Variants in CCDC3 observed in about 807,000 individuals in gnomAD.
The protein encoded by CCDC3 is coiled-coil domain containing 3.
A neutral mutation model predicts 21.4 loss-of-function variants in CCDC3; 24 were observed. That is an observed-to-expected ratio of 1.12 (90% CI 0.81 to 1.58). The LOEUF (loss-of-function observed/expected upper bound fraction) is 1.58, where lower values mean the gene tolerates loss of function less well. Ranked by LOEUF, CCDC3 falls within the 40% of genes most tolerant of loss-of-function variation. The probability of loss-of-function intolerance (pLI) is 0.00; values close to 1 mark genes in which losing one functional copy is unlikely to be tolerated. For missense variants in CCDC3, 425 were observed against 360.9 expected (o/e 1.18, Z -1.44); for synonymous variants, 186 against 166.0 (o/e 1.12, Z -0.93).
At chr10:12,954,218 G>C (rs1419718724) in intron 2 of CCDC3, among the ~76,000 whole-genome samples, 1 of 152,120 alleles carries the variant, frequency 6.6e-6, no homozygotes, top group Non-Finnish European at 1.5e-5. Context: ...ATGTCTACAA[G>C]TCACTCAGAA....
intron 2 of CCDC3, among the ~76,000 whole-genome samples, chr10:12,917,294 T>C (rs894822873): frequency 2.1e-5 from 3 of 145,724 alleles, no homozygotes; most frequent in Non-Finnish European, 4.5e-5. Context: ...CCCGGGTTCA[T>C]GCCATTCTCC....
chr10:13,034,063 T>C (rs189463620), intron 5 of CCDC3, among the ~76,000 whole-genome samples: 1 of 152,250 alleles, frequency 6.6e-6, no homozygotes, highest in African/African-American at 2.4e-5. Context: ...TGTGGCACTA[T>C]TCACAATAGT....
intron 3 of CCDC3, among the ~76,000 whole-genome samples, chr10:13,095,318 C>T (rs1047157329): frequency 3.9e-5 from 6 of 152,120 alleles, no homozygotes; most frequent in South Asian, 2.1e-4. Context: ...ATTCATGCAG[C>T]GACCACACCA....
chr10:12,943,506 A>G (rs1341439557), intron 2 of CCDC3, among the ~76,000 whole-genome samples: 1 of 152,264 alleles, frequency 6.6e-6, no homozygotes, highest in East Asian at 1.9e-4. Context: ...CTATGCCAAT[A>G]GAAAAGGGAT....
At chr10:12,954,548 C>A (rs1434839821) in intron 2 of CCDC3, among the ~76,000 whole-genome samples, 2 of 152,158 alleles carry the variant, frequency 1.3e-5, no homozygotes, top group African/African-American at 4.8e-5. Context: ...AGCTTCCACT[C>A]ATGGTGGAAG....
At chr10:12,943,298 A>C (rs1026309793) in intron 2 of CCDC3, among the ~76,000 whole-genome samples, 1 of 152,144 alleles carries the variant, frequency 6.6e-6, no homozygotes, top group Non-Finnish European at 1.5e-5. Flanking sequence ...GACTACATGG[A>C]ACCCCCATCT....
At chr10:13,021,668 A>G (rs979681487) in intron 5 of CCDC3, among the ~76,000 whole-genome samples, 71 of 152,246 alleles carry the variant, frequency 4.7e-4, no homozygotes, top group African/African-American at 1.7e-3. Flanking sequence ...CCCATTATCC[A>G]ATGGATAGTT....
At chr10:12,930,733 G>A (rs1211572490) in intron 2 of CCDC3, among the ~76,000 whole-genome samples, 1 of 152,142 alleles carries the variant, frequency 6.6e-6, no homozygotes, top group Non-Finnish European at 1.5e-5. Flanking sequence ...GACCAAAGAT[G>A]CTACTAACCA....
At chr10:12,957,149 T>C (rs1248970509) in intron 2 of CCDC3, among the ~76,000 whole-genome samples, 1 of 152,168 alleles carries the variant, frequency 6.6e-6, no homozygotes, top group Non-Finnish European at 1.5e-5. Flanking sequence ...AAGGGTCAGT[T>C]AGCAGGCCCA....
chr10:12,997,490 C>G (rs1304988026), intron 2 of CCDC3, among the ~76,000 whole-genome samples: 1 of 152,142 alleles, frequency 6.6e-6, no homozygotes, highest in African/African-American at 2.4e-5. Context: ...GATCGGAAGA[C>G]TCTTTTATAT....
chr10:12,911,615 A>G (rs942752813), intron 2 of CCDC3, among the ~76,000 whole-genome samples: 3 of 152,262 alleles, frequency 2.0e-5, no homozygotes, highest in African/African-American at 7.2e-5. Flanking sequence ...AAATATGTGT[A>G]CACTGACATG....
intron 2 of CCDC3, among the ~76,000 whole-genome samples, chr10:12,930,564 A>AT (rs746044068): frequency 2.6e-5 from 4 of 152,224 alleles, no homozygotes; most frequent in Non-Finnish European, 5.9e-5. Flanking sequence ...GTGCTAGCAA[A>AT]TAGTGGCTGC....
At chr10:13,033,443 T>C (rs1031124255) in intron 5 of CCDC3, among the ~76,000 whole-genome samples, 5 of 152,210 alleles carry the variant, frequency 3.3e-5, no homozygotes, top group African/African-American at 9.6e-5. Context: ...GAGGACTTCA[T>C]GTCTAAAACA....
intron 4 of CCDC3, among the ~76,000 whole-genome samples, chr10:13,066,902 T>C (rs1023821038): frequency 3.3e-5 from 5 of 152,136 alleles, no homozygotes; most frequent in African/African-American, 1.2e-4. Context: ...AATAAAACCC[T>C]CCTCTGCCCA....
At chr10:13,071,579 C>T (rs984034106) in intron 4 of CCDC3, among the ~76,000 whole-genome samples, 5 of 152,182 alleles carry the variant, frequency 3.3e-5, no homozygotes, top group Admixed American at 2.6e-4. Context: ...TATTCCCATC[C>T]CTTAGGCCCT....
At chr10:12,910,130 A>C (rs12267985) in intron 2 of CCDC3, among the ~76,000 whole-genome samples, 38,444 of 152,172 alleles carry the variant, frequency 0.25, 6,118 homozygotes, top group African/African-American at 0.45. Flanking sequence ...AGAATTTATC[A>C]AACCCAGACA....
At chr10:12,957,515 C>T (rs1182869801) in intron 2 of CCDC3, among the ~76,000 whole-genome samples, 2 of 152,232 alleles carry the variant, frequency 1.3e-5, no homozygotes, top group African/African-American at 2.4e-5. Flanking sequence ...CGCAGTCTCA[C>T]GTGGAACTGC....
chr10:12,909,718 C>T (rs1486280264), intron 2 of CCDC3, among the ~76,000 whole-genome samples: 1 of 152,156 alleles, frequency 6.6e-6, no homozygotes, highest in Non-Finnish European at 1.5e-5. Flanking sequence ...TACCAGGTCT[C>T]CCAAGGAGGG....
chr10:12,996,412 T>A (rs573402104), intron 2 of CCDC3, among the ~76,000 whole-genome samples: 1 of 151,782 alleles, frequency 6.6e-6, no homozygotes, highest in Non-Finnish European at 1.5e-5. Flanking sequence ...CTCGGCTCAC[T>A]GCAACCTCCG....
Sources: allele counts gnomAD v4.1 joint callset (sites outside exome capture counted in the v4.1 genomes callset), GRCh38; gene constraint gnomAD v4.1.1; transcripts MANE v1.5; gene names NCBI Gene and HGNC (gene_info 2026-07-23, HGNC 2026-07-21).